The following VTI1A variants were observed in gnomAD, a reference collection of about 807,000 sequenced individuals.
VTI1A encodes the protein vesicle transport through interaction with t-SNAREs homolog 1A.
Under a neutral mutation model 34.9 loss-of-function variants are expected in VTI1A, and 22 were observed. The ratio of observed to expected loss-of-function variants is 0.63; its 90% CI spans 0.45 to 0.90. The LOEUF is 0.90. Ranked by LOEUF, VTI1A falls within the 40% of genes least tolerant of loss-of-function variation. The probability of loss-of-function intolerance (pLI) is 0.00; values close to 1 mark genes in which losing one functional copy is unlikely to be tolerated. For missense variants in VTI1A, 268 were observed against 275.6 expected (o/e 0.97, Z 0.20); for synonymous variants, 87 against 97.3 (o/e 0.89, Z 0.62).
chr10:112,460,194 T>G (rs1847686164), intron 1 of VTI1A, among the ~76,000 whole-genome samples: 1 of 152,260 alleles, frequency 6.6e-6, no homozygotes, highest in African/African-American at 2.4e-5. Flanking sequence ...AGTTATGACT[T>G]CACAGATTCC....
intron 7 of VTI1A, among the ~76,000 whole-genome samples, chr10:112,805,173 T>G (rs1853029951): frequency 6.6e-6 from 1 of 152,114 alleles, no homozygotes; most frequent in Non-Finnish European, 1.5e-5. Context: ...AGCCAGTAGC[T>G]TTTGGCTTTT....
chr10:112,648,580 G>T (rs1846893367), intron 5 of VTI1A, among the ~76,000 whole-genome samples: 1 of 152,086 alleles, frequency 6.6e-6, no homozygotes, highest in Non-Finnish European at 1.5e-5. Flanking sequence ...TTTTCCTATG[G>T]TACTAGAGAA....
At chr10:112,463,793 C>A (rs1016183293) in intron 2 of VTI1A, among the ~76,000 whole-genome samples, 1 of 152,144 alleles carries the variant, frequency 6.6e-6, no homozygotes, top group African/African-American at 2.4e-5. Flanking sequence ...TTACAAAACA[C>A]CTGCCAGAAT....
intron 5 of VTI1A, among the ~76,000 whole-genome samples, chr10:112,545,976 GTA>G (rs557060441): frequency 2.1e-3 from 304 of 141,526 alleles, no homozygotes; most frequent in Middle Eastern, 0.014. Flanking sequence ...GTGTATACAC[GTA>G]TGTGTGTGTA....
At chr10:112,586,007 A>G (rs1844140005) in intron 5 of VTI1A, among the ~76,000 whole-genome samples, 1 of 152,108 alleles carries the variant, frequency 6.6e-6, no homozygotes, top group Non-Finnish European at 1.5e-5. Context: ...ATGGGTAAAC[A>G]CTGCCCTCTC....
intron 5 of VTI1A, among the ~76,000 whole-genome samples, chr10:112,657,169 A>C (rs1006616555): frequency 1.3e-5 from 2 of 152,222 alleles, no homozygotes; most frequent in Non-Finnish European, 2.9e-5. Context: ...TAGGAATGTG[A>C]GAACAAACTA....
intron 5 of VTI1A, among the ~76,000 whole-genome samples, chr10:112,656,750 G>A (rs527960842): frequency 1.3e-5 from 2 of 151,890 alleles, no homozygotes; most frequent in Non-Finnish European, 2.9e-5. Context: ...ATGATTTCCT[G>A]CGGGATATTT....
intron 1 of VTI1A, among the ~76,000 whole-genome samples, chr10:112,451,305 C>T (rs1351522904): frequency 6.6e-6 from 1 of 152,172 alleles, no homozygotes; most frequent in Non-Finnish European, 1.5e-5. Flanking sequence ...CACACTAGCA[C>T]CCTTCTTACA....
At chr10:112,617,220 G>A (rs1476988561) in intron 5 of VTI1A, among the ~76,000 whole-genome samples, 1 of 152,168 alleles carries the variant, frequency 6.6e-6, no homozygotes, top group Admixed American at 6.5e-5. Flanking sequence ...GAAGCCACAA[G>A]ACAGTAAATA....
intron 3 of VTI1A, among the ~76,000 whole-genome samples, chr10:112,490,596 TG>T (rs1456034133): frequency 1.3e-5 from 2 of 149,860 alleles, no homozygotes; most frequent in Non-Finnish European, 3.0e-5. Context: ...CTATAGTCCT[TG>T]GGGAGATGCT....
chr10:112,447,291 C>G lies in VTI1A; in HGVS notation c.-83C>G. 6.7e-7 allele frequency: 1 copy of G among 1,490,658 alleles called. No homozygotes were observed. Among genetic ancestry groups the G allele is most frequent in the Non-Finnish European group, 9.1e-7 (1 of 1,100,706 alleles). The allele number at this position is 1,490,658 out of a possible 1,614,324, so 92.3% of individuals were successfully genotyped here. A position where few individuals can be genotyped will look rare whatever the true frequency, so the allele number is the denominator to read the frequency against. On this transcript the variant is annotated 5_prime_UTR_variant, in exon 1 of 8. Coordinates refer to ENST00000393077, the MANE Select transcript of VTI1A (RefSeq NM_145206.4). ...CTCTCGGGGGCACCTTCCGGGGTTCCTAAGCCGCGGGGCCCCTCGCTGCCC... is the reference window on the plus strand; with the variant it reads ...CTCTCGGGGGCACCTTCCGGGGTTCGTAAGCCGCGGGGCCCCTCGCTGCCC...
chr10:112,472,229 G>C (rs573778893), intron 3 of VTI1A, among the ~76,000 whole-genome samples: 150 of 152,316 alleles, frequency 9.8e-4, no homozygotes, highest in African/African-American at 3.2e-3. Context: ...TCCCAGGTCA[G>C]TGGTGCCCGA....
the VTI1A span, among the ~76,000 whole-genome samples, chr10:112,834,265 C>A: frequency 6.6e-6 from 1 of 152,160 alleles, no homozygotes; most frequent in South Asian, 2.1e-4. Flanking sequence ...TGAGACATTA[C>A]CCATGGGAGC....
intron 5 of VTI1A, among the ~76,000 whole-genome samples, chr10:112,633,559 C>A (rs1231719731): frequency 1.3e-5 from 2 of 152,006 alleles, no homozygotes; most frequent in Non-Finnish European, 2.9e-5. Context: ...AGCAGGATAC[C>A]CAGGGATCCC....
chr10:112,548,744 C>T, intron 5 of VTI1A: 1 of 1,431,692 alleles, frequency 7.0e-7, no homozygotes, highest in Non-Finnish European at 9.6e-7. Flanking sequence ...ACGAAGGGAC[C>T]CAGAGATGGA....
At chr10:112,684,860 A>G (rs752773812) in intron 7 of VTI1A, among the ~76,000 whole-genome samples, 46 of 152,110 alleles carry the variant, frequency 3.0e-4, no homozygotes, top group Admixed American at 5.9e-4. Flanking sequence ...TGTTTTTTCT[A>G]TATAGGAACT....
chr10:112,804,526 G>T (rs887589957), intron 7 of VTI1A, among the ~76,000 whole-genome samples: 7 of 152,164 alleles, frequency 4.6e-5, no homozygotes, highest in Non-Finnish European at 1.0e-4. Flanking sequence ...TTGTGAGTTG[G>T]CTGATTTTGT....
chr10:112,651,155 G>T (rs1482114890), intron 5 of VTI1A, among the ~76,000 whole-genome samples: 1 of 152,158 alleles, frequency 6.6e-6, no homozygotes, highest in Non-Finnish European at 1.5e-5. Context: ...TAGAAAGTCA[G>T]CAAGGGGAGC....
At chr10:112,634,864 A>G (rs1038019169) in intron 5 of VTI1A, among the ~76,000 whole-genome samples, 3 of 152,122 alleles carry the variant, frequency 2.0e-5, no homozygotes, top group African/African-American at 7.2e-5. Flanking sequence ...CCATCAATTT[A>G]CAATCCATGC....
Sources: allele counts gnomAD v4.1 joint callset (sites outside exome capture counted in the v4.1 genomes callset), GRCh38; gene constraint gnomAD v4.1.1; transcripts MANE v1.5; gene names NCBI Gene and HGNC (gene_info 2026-07-23, HGNC 2026-07-21).